The following METTL8 variants were observed in gnomAD, a reference collection of about 807,000 sequenced individuals.
METTL8 encodes the protein tRNA N(3)-cytidine methyltransferase METTL8, mitochondrial.
Under a neutral mutation model 48.7 loss-of-function variants are expected in METTL8, and 32 were observed. That is an observed-to-expected ratio of 0.66 (90% CI 0.50 to 0.88). The LOEUF (loss-of-function observed/expected upper bound fraction) is 0.88, where lower values mean the gene tolerates loss of function less well. Among genes scored for constraint, METTL8 ranks in the 40% least tolerant of loss-of-function variants. The pLI is 0.00. For synonymous variants in METTL8, 136 were observed against 157.1 expected, an observed-to-expected ratio of 0.87 and a Z score of 1.01; for missense variants, 464 against 474.4, an observed-to-expected ratio of 0.98 and a Z score of 0.20.
At chr2:171,350,237 T>C (rs1460391027) in intron 3 of METTL8, among the ~76,000 whole-genome samples, 5 of 152,190 alleles carry the variant, frequency 3.3e-5, no homozygotes, top group African/African-American at 1.2e-4. Context: ...CTCGCGACAG[T>C]TTGCTCAGAA....
chr2:171,324,016 T>C lies in METTL8; in HGVS notation c.*156A>G, dbSNP rs1684682355. On this transcript the variant is annotated 3_prime_UTR_variant, in exon 10 of 10. Transcript: ENST00000375258. ...GGCATACTGTGCTGAACCACTTACA[T>C]GTGCTTAAAATGCACAAAGGAGCTC... 3 of 613,258 alleles carry C rather than the reference T, an allele frequency of 4.9e-6. No individual in the cohort carries two copies. Among genetic ancestry groups the C allele is most frequent in the East Asian group, 2.8e-5 (1 of 35,702 alleles). 38.0% of individuals were successfully genotyped at this position (613,258 alleles called of 1,614,324 possible).
chr2:171,319,919 GA>G lies in METTL8; in HGVS notation c.*4252del, dbSNP rs1002154342. 4 of 152,098 alleles carry G rather than the reference GA, an allele frequency of 2.6e-5. No individual in the cohort carries two copies. The highest frequency in any genetic ancestry group is 9.7e-5 in the African/African-American group (4 of 41,428). The allele number at this position is 152,098 out of a possible 1,614,324, so 9.4% of individuals were successfully genotyped here. Reference sequence around the variant, plus strand: ...AGAATATACCTTTTACTCCTGGAAAGAAAATGGTCCTTTTGAAATTCAGCTC... The same window carrying G: ...AGAATATACCTTTTACTCCTGGAAAGAAATGGTCCTTTTGAAATTCAGCTC... On this transcript the variant is annotated 3_prime_UTR_variant, in exon 10 of 10. Transcript: ENST00000375258.
intron 1 of METTL8, among the ~76,000 whole-genome samples, chr2:171,394,958 T>C (rs1242279553): frequency 6.6e-6 from 1 of 152,192 alleles, no homozygotes; most frequent in Non-Finnish European, 1.5e-5. Flanking sequence ...CCAATTAAAT[T>C]AACTACGATG....
At chr2:171,392,523 AT>A (rs200716750) in intron 1 of METTL8, among the ~76,000 whole-genome samples, 31 of 152,182 alleles carry the variant, frequency 2.0e-4, no homozygotes, top group East Asian at 1.5e-3. Context: ...CTAAAGACAG[AT>A]TTTTTTTAAA....
At chr2:171,368,993 A>T (rs988709641) in intron 2 of METTL8, among the ~76,000 whole-genome samples, 2 of 152,166 alleles carry the variant, frequency 1.3e-5, no homozygotes, top group African/African-American at 4.8e-5. Flanking sequence ...CCCCACAATT[A>T]TCTGATAAAG....
intron 7 of METTL8, among the ~76,000 whole-genome samples, chr2:171,329,706 A>G (rs796916060): frequency 3.5e-4 from 54 of 152,232 alleles, no homozygotes; most frequent in African/African-American, 1.3e-3. Context: ...AAAGGGTCCT[A>G]GTGGCCTTTT....
Position 171,326,099 on chromosome 2 carries a change from T to C in METTL8, c.910A>G (p.Met304Val). 6.4e-7 allele frequency: 1 copy of C among 1,550,500 alleles called. No homozygotes were observed. Among genetic ancestry groups the C allele is most frequent in the Middle Eastern group, 1.7e-4 (1 of 5,984 alleles). ...RLSKLLKPGG[M>V]LLFRDYGRYD... is the part of the protein sequence containing the mutation. ...CTTCCATAGTCTCGAAATAACAGCA[T>C]TCCCCCAGGTTTCAGTAACTTGGAC... Residue 304 changes from methionine (M) to valine (V), a missense_variant, in exon 8 of 10, where the codon ATG becomes GTG. By Grantham distance (21) the Met-to-Val change is conservative. Coordinates refer to ENST00000375258, the MANE Select transcript of METTL8 (RefSeq NM_001321154.2).
At chr2:171,332,995 C>T (rs1685698299) in intron 5 of METTL8, among the ~76,000 whole-genome samples, 1 of 142,106 alleles carries the variant, frequency 7.0e-6, no homozygotes, top group Non-Finnish European at 1.6e-5. Flanking sequence ...AGAAGCATTC[C>T]AAGCAAGGTG....
chr2:171,344,010 C>G (rs927266292), intron 3 of METTL8, among the ~76,000 whole-genome samples: 2 of 152,164 alleles, frequency 1.3e-5, no homozygotes, highest in African/African-American at 4.8e-5. Context: ...AGGCAATAGT[C>G]AGGGTTTGCT....
At chr2:171,409,105 G>A (rs538918472) in intron 1 of METTL8, among the ~76,000 whole-genome samples, 6 of 152,186 alleles carry the variant, frequency 3.9e-5, no homozygotes, top group Non-Finnish European at 7.3e-5. Flanking sequence ...GGGCTGAACC[G>A]ACAACAGGCT....
intron 2 of METTL8, among the ~76,000 whole-genome samples, chr2:171,388,884 C>T (rs949302503): frequency 2.9e-4 from 44 of 152,038 alleles, no homozygotes; most frequent in African/African-American, 1.1e-3. Context: ...TTTTAGAGTA[C>T]CATGAACCAT....
At chr2:171,375,196 C>T (rs1454694128) in intron 2 of METTL8, 21 of 1,402,098 alleles carry the variant, frequency 1.5e-5, no homozygotes, top group Admixed American at 1.0e-4. Context: ...GGGCACGCAT[C>T]GGGTACAGTT....
At chr2:171,391,014 A>C (rs1688533680) in intron 2 of METTL8, among the ~76,000 whole-genome samples, 1 of 152,232 alleles carries the variant, frequency 6.6e-6, no homozygotes, top group Non-Finnish European at 1.5e-5. Flanking sequence ...CACATGCTAC[A>C]GAGAAATCTT....
intron 2 of METTL8, among the ~76,000 whole-genome samples, chr2:171,362,566 A>AAAATATAT (rs1553516230): frequency 6.2e-5 from 9 of 146,008 alleles, no homozygotes; most frequent in Admixed American, 3.4e-4. Context: ...TAAAAAAATA[A>AAAATATAT]AAATAAATAA....
intron 1 of METTL8, among the ~76,000 whole-genome samples, chr2:171,399,099 C>T (rs1329257160): frequency 2.0e-5 from 3 of 152,074 alleles, no homozygotes; most frequent in Non-Finnish European, 4.4e-5. Flanking sequence ...GCTCACCATC[C>T]TATGAAGGTC....
At chr2:171,340,190 C>A (rs1686576438) in intron 3 of METTL8, among the ~76,000 whole-genome samples, 1 of 73,362 alleles carries the variant, frequency 1.4e-5, no homozygotes, top group Admixed American at 2.0e-4. Context: ...AAGAGTGAAA[C>A]TCTGTCTCAA....
intron 3 of METTL8, among the ~76,000 whole-genome samples, chr2:171,356,952 A>ATGTTTTTTGTTTTTTTTTTTTTT: frequency 1.3e-5 from 1 of 78,468 alleles, no homozygotes; most frequent in East Asian, 4.3e-4. Context: ...CAAAGACAAT[A>ATGTTTTTTGTTTTTTTTTTTTTT]TTTTTTTTTT....
At chr2:171,426,343 T>A (rs1298336363) in intron 1 of METTL8, among the ~76,000 whole-genome samples, 1 of 152,146 alleles carries the variant, frequency 6.6e-6, no homozygotes, top group Non-Finnish European at 1.5e-5. Flanking sequence ...AGAGTACACA[T>A]ATATAATATG....
chr2:171,422,344 A>C (rs1244680250), intron 1 of METTL8, among the ~76,000 whole-genome samples: 3 of 152,266 alleles, frequency 2.0e-5, no homozygotes, highest in Non-Finnish European at 4.4e-5. Flanking sequence ...AATCAATTTC[A>C]TCACTGACTG....
Sources: gnomAD v4.1 joint callset for allele counts (sites outside exome capture counted in the v4.1 genomes callset) on GRCh38, gnomAD v4.1.1 for gene constraint, MANE v1.5 for transcripts, NCBI Gene and HGNC (gene_info 2026-07-23, HGNC 2026-07-21) for gene names.